RNF38: variants seen among roughly 807,000 people sequenced by gnomAD.
The protein encoded by RNF38 is E3 ubiquitin-protein ligase RNF38.
Under a neutral mutation model 67.2 loss-of-function variants are expected in RNF38, and 15 were observed. The observed-to-expected ratio is 0.22, with a 90% CI of 0.15 to 0.34. The LOEUF (loss-of-function observed/expected upper bound fraction) is 0.34, where lower values mean the gene tolerates loss of function less well. RNF38 is among the 10% of genes least tolerant of loss of function. RNF38 has a pLI of 1.00. For synonymous variants in RNF38, 220 were observed against 218.8 expected (o/e 1.01, Z -0.05); for missense variants, 524 against 639.9 (o/e 0.82, Z 1.95).
intron 1 of RNF38, among the ~76,000 whole-genome samples, chr9:36,436,006 T>C (rs1839057732): frequency 6.7e-6 from 1 of 149,804 alleles, no homozygotes; most frequent in Non-Finnish European, 1.5e-5. Flanking sequence ...AACCTATAGA[T>C]TTTTACTTCC....
chr9:36,471,853 C>T (rs1406869558), intron 1 of RNF38, among the ~76,000 whole-genome samples: 1 of 152,180 alleles, frequency 6.6e-6, no homozygotes, highest in African/African-American at 2.4e-5. Flanking sequence ...CCTCAGCCTC[C>T]CAAGTAGCTG....
At chr9:36,399,211 A>G (rs963767091) in intron 1 of RNF38, among the ~76,000 whole-genome samples, 2 of 152,218 alleles carry the variant, frequency 1.3e-5, no homozygotes, top group African/African-American at 4.8e-5. Context: ...AAAGCCCAAC[A>G]AGTATGGAAA....
At chr9:36,420,603 A>T (rs1406171478) in intron 2 of RNF38, among the ~76,000 whole-genome samples, 1 of 150,762 alleles carries the variant, frequency 6.6e-6, no homozygotes, top group Non-Finnish European at 1.5e-5. Context: ...CTTATTCTTC[A>T]CAACACAAAT....
intron 1 of RNF38, among the ~76,000 whole-genome samples, chr9:36,462,959 A>C (rs1839768275): frequency 6.6e-6 from 1 of 151,146 alleles, no homozygotes; most frequent in Non-Finnish European, 1.5e-5. Flanking sequence ...GGTGTGAGCC[A>C]CTGTACCCCG....
intron 2 of RNF38, among the ~76,000 whole-genome samples, chr9:36,384,737 A>G (rs1836472251): frequency 6.6e-6 from 1 of 152,238 alleles, no homozygotes; most frequent in South Asian, 2.1e-4. Context: ...ATGACTTATT[A>G]CTTGCTATTT....
intron 9 of RNF38, among the ~76,000 whole-genome samples, chr9:36,345,906 C>G (rs1035980851): frequency 1.3e-5 from 2 of 152,180 alleles, no homozygotes; most frequent in Non-Finnish European, 2.9e-5. Context: ...TAACAAATCC[C>G]TTGCCCCCTT....
chr9:36,452,174 C>T (rs943091067), intron 1 of RNF38, among the ~76,000 whole-genome samples: 8 of 152,086 alleles, frequency 5.3e-5, no homozygotes, highest in African/African-American at 1.7e-4. Flanking sequence ...TGCATTGAGC[C>T]GTGATCACAC....
intron 2 of RNF38, among the ~76,000 whole-genome samples, chr9:36,377,117 A>G (rs1280561432): frequency 1.3e-5 from 2 of 152,172 alleles, no homozygotes; most frequent in Non-Finnish European, 2.9e-5. Context: ...AATTGCATTA[A>G]TAACACTCCA....
rs954428069 is a variant in RNF38 at position 36,477,265 on chromosome 9, G to C, written n.241+10043C>G. Among the ~76,000 whole-genome samples, 7 of 151,446 alleles carry C rather than the reference G, an allele frequency of 4.6e-5. No individual in the cohort carries two copies. In the South Asian group the frequency reaches 1.3e-3, roughly 27 times the overall value. On this transcript the variant is annotated intron_variant and non_coding_transcript_variant, in intron 1 of 3. Coordinates refer to the RNF38 transcript ENST00000488058. The stretch of plus-strand genomic sequence containing the variant: ...TTGAACCTGGGAGGCAGAGGTTGCA[G>C]TGAGCCAAGATCACACCACTGCACT...
intron 1 of RNF38, among the ~76,000 whole-genome samples, chr9:36,483,635 A>G (rs1840332525): frequency 6.6e-6 from 1 of 152,208 alleles, no homozygotes; most frequent in African/African-American, 2.4e-5. Context: ...TCTCCTAAAG[A>G]CCTTAATCTC....
upstream of RNF38, among the ~76,000 whole-genome samples, chr9:36,405,043 G>A (rs1013239634): frequency 1.1e-4 from 16 of 152,082 alleles, no homozygotes; most frequent in African/African-American, 2.9e-4. Context: ...GGTCGAGGTA[G>A]GCAGATCACC....
chr9:36,346,337 C>T (rs2133391541), intron 9 of RNF38, among the ~76,000 whole-genome samples: 1 of 152,158 alleles, frequency 6.6e-6, no homozygotes, highest in Admixed American at 6.5e-5. Flanking sequence ...TCCTGAGTAG[C>T]TGCCCAGCTA....
intron 1 of RNF38, among the ~76,000 whole-genome samples, chr9:36,467,939 G>C (rs1482580234): frequency 1.3e-5 from 2 of 152,178 alleles, no homozygotes; most frequent in East Asian, 3.8e-4. Flanking sequence ...ACAGAAATCA[G>C]GACTAGTAAA....
chr9:36,467,232 A>AATAT (rs201500514), intron 1 of RNF38, among the ~76,000 whole-genome samples: 15 of 91,156 alleles, frequency 1.6e-4, no homozygotes, highest in African/African-American at 6.1e-4. Context: ...ATATATATAT[A>AATAT]ATATATATAT....
intron 1 of RNF38, among the ~76,000 whole-genome samples, chr9:36,443,282 T>C (rs1044486837): frequency 6.6e-6 from 1 of 152,040 alleles, no homozygotes; most frequent in Non-Finnish European, 1.5e-5. Flanking sequence ...CTCTGATGAA[T>C]TGAGGGGTGC....
intron 2 of RNF38, among the ~76,000 whole-genome samples, chr9:36,410,320 A>T (rs1328298734): frequency 1.3e-5 from 2 of 152,198 alleles, no homozygotes; most frequent in African/African-American, 4.8e-5. Flanking sequence ...TTTGTTCCTC[A>T]AATTATTTAT....
chr9:36,419,693 G>C (rs1041775554), intron 2 of RNF38, among the ~76,000 whole-genome samples: 1 of 152,172 alleles, frequency 6.6e-6, no homozygotes, highest in Non-Finnish European at 1.5e-5. Context: ...AGGTGGCACG[G>C]CATCTGTATT....
chr9:36,450,959 GACAGA>G (rs1839422996), intron 1 of RNF38, among the ~76,000 whole-genome samples: 1 of 152,172 alleles, frequency 6.6e-6, no homozygotes, highest in African/African-American at 2.4e-5. Flanking sequence ...GTCTCCTAAT[GACAGA>G]ACAGAACTCC....
chr9:36,445,620 C>T (rs1186470009), intron 1 of RNF38, among the ~76,000 whole-genome samples: 2 of 152,220 alleles, frequency 1.3e-5, no homozygotes, highest in Non-Finnish European at 2.9e-5. Context: ...GGAATCAAAC[C>T]ACAAGCCAGA....
Sources: allele counts gnomAD v4.1 joint callset (sites outside exome capture counted in the v4.1 genomes callset), GRCh38; gene constraint gnomAD v4.1.1; transcripts MANE v1.5; gene names NCBI Gene and HGNC (gene_info 2026-07-23, HGNC 2026-07-21).